COL5A2: variants seen among roughly 807,000 people sequenced by gnomAD.
The protein encoded by COL5A2 is collagen alpha-2(V) chain.
In COL5A2, 23 loss-of-function variants were observed where a neutral mutation model predicts 208.2. The observed-to-expected ratio is 0.11, with a 90% CI of 0.08 to 0.16. The LOEUF is 0.16. Ranked by LOEUF, COL5A2 falls within the 10% of genes least tolerant of loss-of-function variation. The pLI is 1.00. For missense variants in COL5A2, 1,590 were observed against 1,956.4 expected, an observed-to-expected ratio of 0.81 and a Z score of 3.53; for synonymous variants, 625 against 628.5, an observed-to-expected ratio of 0.99 and a Z score of 0.08.
chr2:189,093,268 A>G (rs1050901801), intron 6 of COL5A2, among the ~76,000 whole-genome samples: 24 of 152,340 alleles, frequency 1.6e-4, no homozygotes, highest in African/African-American at 5.8e-4. Flanking sequence ...CCTTAACCCT[A>G]AAGAATCTTG....
intron 1 of COL5A2, among the ~76,000 whole-genome samples, chr2:189,136,277 C>T (rs1687824320): frequency 1.3e-5 from 2 of 151,916 alleles, no homozygotes; most frequent in African/African-American, 4.8e-5. Context: ...TCAGCATCTT[C>T]TAATGAAAAC....
the COL5A2 span, among the ~76,000 whole-genome samples, chr2:189,438,042 C>G: frequency 8.6e-5 from 13 of 151,294 alleles, no homozygotes; most frequent in South Asian, 1.9e-3. Flanking sequence ...CAAAACTCAA[C>G]AAGAAGATAA....
chr2:189,094,867 G>T (rs1453880102), intron 6 of COL5A2, among the ~76,000 whole-genome samples: 2 of 150,848 alleles, frequency 1.3e-5, no homozygotes, highest in Non-Finnish European at 3.0e-5. Context: ...GGCTAATCCT[G>T]AAGGTCTTGT....
chr2:189,339,223 C>A, the COL5A2 span, among the ~76,000 whole-genome samples: 7 of 152,068 alleles, frequency 4.6e-5, no homozygotes, highest in East Asian at 9.7e-4. Context: ...TGGAGGCATG[C>A]GCCTGTAATC....
chr2:189,065,105 A>G, intron 23 of COL5A2, 48 bp from the exon 24 acceptor site: 1 of 1,551,308 alleles, frequency 6.4e-7, no homozygotes, highest in Non-Finnish European at 8.9e-7. Context: ...ATATTTTTGC[A>G]ATATGTAATG....
At chr2:189,038,136 T>A (rs1559072903) in intron 51 of COL5A2, among the ~76,000 whole-genome samples, 1 of 152,102 alleles carries the variant, frequency 6.6e-6, no homozygotes, top group East Asian at 1.9e-4. Flanking sequence ...GTCACCCAGG[T>A]AGTGAGCATA....
chr2:189,277,446 G>A, the COL5A2 span, among the ~76,000 whole-genome samples: 16 of 152,066 alleles, frequency 1.1e-4, no homozygotes, highest in African/African-American at 2.7e-4. Flanking sequence ...CTGCGAGTTC[G>A]GGTCAATCAC....
chr2:189,216,026 C>T (rs1689274180), intron 1 of COL5A2, among the ~76,000 whole-genome samples: 1 of 152,042 alleles, frequency 6.6e-6, no homozygotes, highest in African/African-American at 2.4e-5. Context: ...TATCAATAAA[C>T]TAAACATGCT....
intron 45 of COL5A2, 127 bp from the exon 46 acceptor site, chr2:189,046,034 T>C (rs954090751): frequency 3.4e-6 from 2 of 591,068 alleles, no homozygotes; most frequent in African/African-American, 1.9e-5. Context: ...TTTTTACTTA[T>C]TATTTTAACT....
intron 52 of COL5A2, among the ~76,000 whole-genome samples, chr2:189,036,410 T>C (rs1685444572): frequency 6.6e-6 from 1 of 152,146 alleles, no homozygotes; most frequent in Non-Finnish European, 1.5e-5. Flanking sequence ...AAATTTTTAA[T>C]TCAAAATTTA....
At chr2:189,093,639 G>A (rs1483397236) in intron 6 of COL5A2, among the ~76,000 whole-genome samples, 1 of 152,164 alleles carries the variant, frequency 6.6e-6, no homozygotes, top group East Asian at 1.9e-4. Flanking sequence ...CTATTAAATA[G>A]AAGTAGAATA....
the COL5A2 span, among the ~76,000 whole-genome samples, chr2:189,241,886 C>A: frequency 6.6e-6 from 1 of 152,140 alleles, no homozygotes; most frequent in Admixed American, 6.5e-5. Flanking sequence ...CAGGTATTCT[C>A]CCCTACCCAA....
intron 53 of COL5A2, 87 bp downstream of exon 53, chr2:189,034,829 G>T: frequency 1.3e-6 from 2 of 1,508,378 alleles, no homozygotes; most frequent in Non-Finnish European, 9.2e-7. Flanking sequence ...AGGTAAAATT[G>T]CCCCCAGTTC....
At chr2:189,344,264 T>C in the COL5A2 span, among the ~76,000 whole-genome samples, 161 of 152,242 alleles carry the variant, frequency 1.1e-3, no homozygotes, top group African/African-American at 3.6e-3. Context: ...AACCAGAATG[T>C]TGGACGAAAC....
At chr2:189,054,005 G>T in intron 36 of COL5A2, 57 bp from the exon 37 acceptor site, 1 of 1,542,974 alleles carries the variant, frequency 6.5e-7, no homozygotes, top group Non-Finnish European at 9.0e-7. Flanking sequence ...CATAATTTTA[G>T]GACATTGGTC....
chr2:189,282,437 G>C, the COL5A2 span, among the ~76,000 whole-genome samples: 1 of 152,108 alleles, frequency 6.6e-6, no homozygotes, highest in Non-Finnish European at 1.5e-5. Context: ...TATAAAACAA[G>C]TAGAAACGTT....
chr2:189,170,559 A>T (rs915272474), intron 1 of COL5A2, among the ~76,000 whole-genome samples: 2 of 152,210 alleles, frequency 1.3e-5, no homozygotes, highest in South Asian at 4.1e-4. Context: ...GCACTGAAGT[A>T]CCTAAATCGC....
At chr2:189,353,777 T>G in the COL5A2 span, among the ~76,000 whole-genome samples, 1 of 152,198 alleles carries the variant, frequency 6.6e-6, no homozygotes, top group Non-Finnish European at 1.5e-5. Flanking sequence ...GAATACCGTT[T>G]TTTTCTTTCT....
chr2:189,040,434 C>T (rs1341800125), intron 50 of COL5A2, among the ~76,000 whole-genome samples: 2 of 151,374 alleles, frequency 1.3e-5, no homozygotes, highest in Non-Finnish European at 2.9e-5. Context: ...CTATTAATTC[C>T]CTTCTGCACT....
Sources: gnomAD v4.1 joint callset for allele counts (sites outside exome capture counted in the v4.1 genomes callset) on GRCh38, gnomAD v4.1.1 for gene constraint, MANE v1.5 for transcripts, NCBI Gene and HGNC (gene_info 2026-07-23, HGNC 2026-07-21) for gene names.